Variants in B3GLCT observed in about 807,000 individuals in gnomAD.
B3GLCT encodes the protein beta 3-glucosyltransferase.
Under a neutral mutation model 63.4 loss-of-function variants are expected in B3GLCT, and 65 were observed. The observed-to-expected ratio is 1.03, with a 90% CI of 0.84 to 1.26. The LOEUF is 1.26. Among genes scored for constraint, B3GLCT ranks in the 50% most tolerant of loss-of-function variants. B3GLCT has a pLI of 0.00. For synonymous variants in B3GLCT, 233 were observed against 219.2 expected, an observed-to-expected ratio of 1.06 and a Z score of -0.55; for missense variants, 577 against 604.8, an observed-to-expected ratio of 0.95 and a Z score of 0.48.
intron 1 of B3GLCT, among the ~76,000 whole-genome samples, chr13:31,206,215 G>T (rs1459423988): frequency 6.6e-6 from 1 of 152,176 alleles, no homozygotes; most frequent in Admixed American, 6.5e-5. Context: ...CCCAGTGTGT[G>T]TCAGACTTCA....
At chr13:31,222,161 C>T (rs1869844809) in intron 2 of B3GLCT, among the ~76,000 whole-genome samples, 1 of 150,408 alleles carries the variant, frequency 6.6e-6, no homozygotes, top group African/African-American at 2.5e-5. Context: ...TCACTGCAAC[C>T]TCCGCCTCCT....
At chr13:31,294,260 A>G (rs1873823487) in intron 12 of B3GLCT, among the ~76,000 whole-genome samples, 1 of 151,934 alleles carries the variant, frequency 6.6e-6, no homozygotes, top group Admixed American at 6.6e-5. Context: ...CTTCATTTCA[A>G]CCTTGGTGAA....
intron 14 of B3GLCT, among the ~76,000 whole-genome samples, chr13:31,327,010 A>G (rs1228625457): frequency 6.6e-6 from 1 of 152,172 alleles, no homozygotes; most frequent in African/African-American, 2.4e-5. Flanking sequence ...GTGAAAAACC[A>G]GCAAGGATTT....
intron 12 of B3GLCT, among the ~76,000 whole-genome samples, chr13:31,302,139 A>G (rs927327596): frequency 3.9e-5 from 6 of 152,182 alleles, no homozygotes; most frequent in African/African-American, 1.4e-4. Context: ...TAAGACCTCA[A>G]GGTAAAGCTT....
At chr13:31,239,684 C>CT (rs59239925) in intron 4 of B3GLCT, among the ~76,000 whole-genome samples, 2,528 of 140,708 alleles carry the variant, frequency 0.018, 65 homozygotes, top group African/African-American at 0.055. Flanking sequence ...TCACCTGAGT[C>CT]TTTTTTTTTT....
chr13:31,221,730 T>C (rs1417427224), intron 2 of B3GLCT, among the ~76,000 whole-genome samples: 1 of 152,222 alleles, frequency 6.6e-6, no homozygotes, highest in Non-Finnish European at 1.5e-5. Context: ...TCTCTTGGCT[T>C]TTAAGCCGCT....
Position 31,285,357 on chromosome 13 carries a change from C to T in B3GLCT, c.964+596C>T, listed in dbSNP as rs73174607. On this transcript the variant is annotated intron_variant, in intron 11 of 14. Coordinates refer to ENST00000343307, the MANE Select transcript of B3GLCT (RefSeq NM_194318.4). ...GGGATGAGAAATTACCCACTGAGTA[C>T]GATAGACACTCTTCGGGTGATGGCT... is the stretch of plus-strand genomic sequence containing the variant. Among the ~76,000 whole-genome samples, 806 of 152,010 alleles carry T rather than the reference C, an allele frequency of 5.3e-3. 4 individuals carry two copies. Among genetic ancestry groups the T allele is most frequent in the Non-Finnish European group, 9.5e-3 (642 of 67,878 alleles).
intron 6 of B3GLCT, among the ~76,000 whole-genome samples, chr13:31,250,787 T>G (rs956002136): frequency 2.0e-5 from 3 of 152,232 alleles, no homozygotes; most frequent in Admixed American, 6.5e-5. Flanking sequence ...GGGCGCCACT[T>G]CAGCAGACTT....
intron 14 of B3GLCT, among the ~76,000 whole-genome samples, chr13:31,328,746 C>G (rs1223808106): frequency 7.1e-6 from 1 of 141,226 alleles, no homozygotes; most frequent in African/African-American, 2.6e-5. Flanking sequence ...GGATACTTTG[C>G]TTAGAGAAAA....
Position 31,308,365 on chromosome 13 carries a change from A to AC in B3GLCT, c.1065-9201_1065-9200insC, listed in dbSNP as rs1874516553. 3.7e-5 allele frequency among the ~76,000 whole-genome samples: 5 copies of AC among 136,754 alleles called. No homozygotes were observed. The South Asian group carries it at 1.2e-3, about 34-fold the overall frequency. 89.7% of individuals were successfully genotyped at this position (136,754 alleles called of 152,430 possible). ...AAAAAATTAAAAAAAAAAAAACAAA[A>AC]AAAAAAGCTAGTCCCACATGGCTTA... On this transcript the variant is annotated intron_variant, in intron 12 of 14. Transcript: ENST00000343307.
intron 4 of B3GLCT, among the ~76,000 whole-genome samples, chr13:31,245,899 T>TGGG (rs1871177124): frequency 6.6e-6 from 1 of 152,198 alleles, no homozygotes; most frequent in Non-Finnish European, 1.5e-5. Context: ...TTGCTCTTTC[T>TGGG]AACATACCAC....
intron 12 of B3GLCT, among the ~76,000 whole-genome samples, chr13:31,301,879 C>A (rs1353968636): frequency 1.3e-5 from 2 of 152,236 alleles, no homozygotes; most frequent in East Asian, 3.9e-4. Context: ...TTGTTTTAAC[C>A]CCATCAATTT....
At chr13:31,319,270 G>T (rs972878998) in intron 13 of B3GLCT, among the ~76,000 whole-genome samples, 2 of 152,086 alleles carry the variant, frequency 1.3e-5, no homozygotes, top group Non-Finnish European at 2.9e-5. Context: ...ACCACCTCTA[G>T]TTTTTCTGTC....
At chr13:31,223,061 A>C (rs1869903184) in intron 3 of B3GLCT, 70 bp downstream of exon 3, 2 of 1,062,098 alleles carry the variant, frequency 1.9e-6, no homozygotes, top group Non-Finnish European at 1.5e-6. Flanking sequence ...ATTTCCATGA[A>C]GTGATTTTTT....
intron 12 of B3GLCT, among the ~76,000 whole-genome samples, chr13:31,312,124 A>T (rs1158014499): frequency 6.6e-6 from 1 of 152,220 alleles, no homozygotes; most frequent in African/African-American, 2.4e-5. Context: ...CAAGACTGTC[A>T]GTTAAGATGG....
chr13:31,252,615 CAAAG>C (rs1449247566), intron 6 of B3GLCT, among the ~76,000 whole-genome samples: 1 of 152,028 alleles, frequency 6.6e-6, no homozygotes, highest in Non-Finnish European at 1.5e-5. Flanking sequence ...TCAAAAGAGA[CAAAG>C]AAGGGCATTG....
At chr13:31,256,340 T>C (rs2137822490) in intron 6 of B3GLCT, among the ~76,000 whole-genome samples, 1 of 152,280 alleles carries the variant, frequency 6.6e-6, no homozygotes, top group Non-Finnish European at 1.5e-5. Context: ...GGAGTGTAAA[T>C]TAGTTCAACC....
chr13:31,206,567 T>G (rs1405531136), intron 1 of B3GLCT, among the ~76,000 whole-genome samples: 1 of 141,428 alleles, frequency 7.1e-6, no homozygotes, highest in Admixed American at 7.3e-5. Flanking sequence ...AGTGAAACCC[T>G]GTCTCTACTA....
intron 3 of B3GLCT, among the ~76,000 whole-genome samples, chr13:31,225,160 C>T (rs1481403686): frequency 2.0e-5 from 3 of 152,170 alleles, no homozygotes; most frequent in South Asian, 4.1e-4. Context: ...ACTTAGTGTG[C>T]GGCCCATTTA....
Sources: allele counts gnomAD v4.1 joint callset (sites outside exome capture counted in the v4.1 genomes callset), GRCh38; gene constraint gnomAD v4.1.1; transcripts MANE v1.5; gene names NCBI Gene and HGNC (gene_info 2026-07-23, HGNC 2026-07-21).